Variants in ALDH2 observed in about 807,000 individuals in gnomAD.
ALDH2 encodes the protein aldehyde dehydrogenase, mitochondrial.
Under a neutral mutation model 59.6 loss-of-function variants are expected in ALDH2, and 44 were observed. The observed-to-expected ratio is 0.74, with a 90% CI of 0.58 to 0.95. The LOEUF is 0.95. Among genes scored for constraint, ALDH2 ranks in the 40% least tolerant of loss-of-function variants. ALDH2 has a pLI of 0.00. For missense variants in ALDH2, 570 were observed against 696.3 expected (o/e 0.82, Z 2.04); for synonymous variants, 291 against 284.0 (o/e 1.02, Z -0.25).
In ALDH2 at chr12:111,790,488, G is replaced by A; in HGVS notation, c.607G>A (p.Gly203Arg). 6.2e-7 allele frequency: 1 copy of A among 1,614,184 alleles called. No homozygotes were observed. The highest frequency in any genetic ancestry group is 8.5e-7 in the Non-Finnish European group (1 of 1,180,038). The change falls in exon 6 of 13, where the codon GGA becomes AGA. Residue 203 changes from glycine to arginine, a missense_variant. Gly to Arg is a moderately radical substitution (Grantham distance 125). Coordinates refer to ENST00000261733, the MANE Select transcript of ALDH2 (RefSeq NM_000690.4). The part of the protein sequence containing the change: ...AWKLGPALAT[G>R]NVVVMKVAEQ... Reference sequence around the variant, plus strand: ...GAAGCTGGGCCCAGCCTTGGCAACTGGAAACGTGGTTGTGATGAAGGTAGC... The same window carrying A: ...GAAGCTGGGCCCAGCCTTGGCAACTAGAAACGTGGTTGTGATGAAGGTAGC...
chr12:111,783,931 G>C (rs1377491888), intron 3 of ALDH2, among the ~76,000 whole-genome samples: 1 of 152,120 alleles, frequency 6.6e-6, no homozygotes, highest in African/African-American at 2.4e-5. Flanking sequence ...GCCCCTCCAT[G>C]GTGGGCCTTC....
chr12:111,802,855 G>GTT (rs2068464948), intron 11 of ALDH2, among the ~76,000 whole-genome samples: 2 of 148,376 alleles, frequency 1.3e-5, no homozygotes, highest in Non-Finnish European at 1.5e-5. Flanking sequence ...ACTCCAGCCA[G>GTT]GGCGACGGAG....
chr12:111,774,178 C>A (rs763754917), intron 1 of ALDH2, among the ~76,000 whole-genome samples: 3 of 152,094 alleles, frequency 2.0e-5, no homozygotes, highest in Non-Finnish European at 2.9e-5. Flanking sequence ...GGGAGTGGGG[C>A]AGAGGGCTGG....
chr12:111,788,626 A>G (rs531249743), intron 4 of ALDH2, among the ~76,000 whole-genome samples: 1 of 152,154 alleles, frequency 6.6e-6, no homozygotes, highest in South Asian at 2.1e-4. Context: ...GATCTGGGGG[A>G]GGGAAGCTGC....
chr12:111,803,747 A>T (rs1056151032), intron 11 of ALDH2, 112 bp from the exon 12 acceptor site: 224 of 623,602 alleles, frequency 3.6e-4, no homozygotes, highest in African/African-American at 1.3e-3. Context: ...AAAAAAAAAA[A>T]TTTTTTTTTA....
At chr12:111,793,582 C>CA (rs1303515555) in intron 9 of ALDH2, among the ~76,000 whole-genome samples, 2 of 144,064 alleles carry the variant, frequency 1.4e-5, no homozygotes, top group African/African-American at 5.3e-5. Flanking sequence ...AGTGTATATT[C>CA]GGGTTTTTTT....
intron 10 of ALDH2, 191 bp from the exon 11 acceptor site, chr12:111,799,715 G>A: frequency 1.8e-6 from 1 of 560,502 alleles, no homozygotes; most frequent in Non-Finnish European, 3.0e-6. Context: ...CGCACAGGAG[G>A]AAGTTGGCCC....
chr12:111,806,279 T>A (rs376960899), intron 12 of ALDH2, among the ~76,000 whole-genome samples: 1 of 150,206 alleles, frequency 6.7e-6, no homozygotes, highest in East Asian at 2.0e-4. Flanking sequence ...ATCGCACCAC[T>A]GCACTCCAGC....
chr12:111,772,825 C>T (rs774947487), intron 1 of ALDH2, among the ~76,000 whole-genome samples: 26 of 151,732 alleles, frequency 1.7e-4, no homozygotes, highest in Non-Finnish European at 3.1e-4. Context: ...AGGCATGGGC[C>T]ACAACATCCA....
At chr12:111,773,315 G>A (rs1437886891) in intron 1 of ALDH2, among the ~76,000 whole-genome samples, 1 of 152,210 alleles carries the variant, frequency 6.6e-6, no homozygotes, top group Non-Finnish European at 1.5e-5. Context: ...CTTCCTGCCT[G>A]CCCAGAATCT....
intron 12 of ALDH2, among the ~76,000 whole-genome samples, chr12:111,809,068 C>T (rs1231165743): frequency 4.6e-5 from 7 of 152,044 alleles, no homozygotes; most frequent in African/African-American, 1.7e-4. Context: ...ATGTGGAGAA[C>T]ACATCTAGGG....
Position 111,812,889 on chromosome 12 carries a change from CAAGAA to C in ALDH2, c.*3320_*3324del, listed in dbSNP as rs765017051. On this transcript the variant is annotated 3_prime_UTR_variant, in exon 13 of 13. Transcript: ENST00000261733. ...CCATCTCTGAAAAAAACACAAAAAA[CAAGAA>C]AAGAATACTGCAAAGAACCTTGGTA... The C allele has an allele frequency of 1.3e-5, 2 of 152,018 alleles. No homozygotes were observed. Among genetic ancestry groups the C allele is most frequent in the East Asian group, 1.9e-4 (1 of 5,194 alleles). The allele number at this position is 152,018 out of a possible 1,614,324, so 9.4% of individuals were successfully genotyped here. A position where few individuals can be genotyped will look rare whatever the true frequency, so the allele number is the denominator to read the frequency against.
At position 111,783,284 on chromosome 12, in the gene ALDH2, C is replaced by T. The variant is rs1439916433; in HGVS notation, c.346C>T (p.Arg116Trp). 6 of 1,608,328 alleles carry T rather than the reference C, an allele frequency of 3.7e-6. No homozygotes were observed. Among genetic ancestry groups the T allele is most frequent in the East Asian group, 2.2e-5 (1 of 44,700 alleles). The change falls in exon 3 of 13, where the codon CGG (arginine) becomes TGG (tryptophan). Residue 116 changes from arginine (R) to tryptophan (W), a missense_variant. Arg to Trp is a moderately radical substitution (Grantham distance 101, BLOSUM62 -3). Coordinates refer to ENST00000261733, the MANE Select transcript of ALDH2 (RefSeq NM_000690.4). ...CCTGGCCGATCTGATCGAGCGGGAC[C>T]GGACCTACCTGGCGGTGAGTCCTCA... ...NRLADLIERDRTYLAALETLD... is the reference protein window; with the variant it reads ...NRLADLIERDWTYLAALETLD...
intron 1 of ALDH2, among the ~76,000 whole-genome samples, chr12:111,777,978 C>T (rs1226539517): frequency 6.6e-6 from 1 of 152,174 alleles, no homozygotes; most frequent in Non-Finnish European, 1.5e-5. Flanking sequence ...TGCACAACTG[C>T]GGGTTCCACC....
In ALDH2 at chr12:111,811,205, C is replaced by T. The variant is rs2068532846; in HGVS notation, c.*1630C>T. On this transcript the variant is annotated 3_prime_UTR_variant, in exon 13 of 13. Transcript: ENST00000261733. Reference sequence around the variant, plus strand: ...TACAAAAAAAAAAAAAAAAACTAGCCGGGCATGGTGGCTCATGCCTGTAAT... The same window carrying T: ...TACAAAAAAAAAAAAAAAAACTAGCTGGGCATGGTGGCTCATGCCTGTAAT... 1 of 151,290 alleles carries T rather than the reference C, an allele frequency of 6.6e-6. No homozygotes were observed. The highest frequency in any genetic ancestry group is 1.5e-5 in the Non-Finnish European group (1 of 67,998). 9.4% of individuals were successfully genotyped at this position (151,290 alleles called of 1,614,324 possible).
intron 10 of ALDH2, 94 bp from the exon 11 acceptor site, chr12:111,799,812 C>A (rs1270499002): frequency 3.5e-6 from 5 of 1,423,566 alleles, no homozygotes; most frequent in Non-Finnish European, 4.8e-6. Context: ...GGGGGCTTAT[C>A]CCCCAATCTG....
At chr12:111,789,491 CAAAA>C (rs35650885) in intron 4 of ALDH2, among the ~76,000 whole-genome samples, 1 of 74,436 alleles carries the variant, frequency 1.3e-5, no homozygotes, top group African/African-American at 5.2e-5. Context: ...GACGCTGTCT[CAAAA>C]AAAAAAAAAG....
intron 1 of ALDH2, among the ~76,000 whole-genome samples, chr12:111,778,296 G>A (rs1378824272): frequency 6.6e-6 from 1 of 152,160 alleles, no homozygotes; most frequent in Non-Finnish European, 1.5e-5. Context: ...TGTAATCCCA[G>A]CACTTTGGGA....
chr12:111,810,264 A>G lies in ALDH2; in HGVS notation c.*689A>G, dbSNP rs1316976014. ...GGTTGCAGTGAGTGGAGATCATGCC[A>G]CTGCACTCCAGCCTGGGAGTCAGAG... On this transcript the variant is annotated 3_prime_UTR_variant, in exon 13 of 13. Coordinates refer to ENST00000261733, the MANE Select transcript of ALDH2 (RefSeq NM_000690.4). The G allele has an allele frequency of 2.0e-5, 3 of 152,500 alleles. No homozygotes were observed. Among genetic ancestry groups the G allele is most frequent in the Non-Finnish European group, 4.4e-5 (3 of 68,284 alleles). 9.4% of individuals were successfully genotyped at this position (152,500 alleles called of 1,614,324 possible).
Sources: gnomAD v4.1 joint callset for allele counts (sites outside exome capture counted in the v4.1 genomes callset) on GRCh38, gnomAD v4.1.1 for gene constraint, MANE v1.5 for transcripts, NCBI Gene and HGNC (gene_info 2026-07-23, HGNC 2026-07-21) for gene names.